The following SV2B variants were observed in gnomAD, a reference collection of about 807,000 sequenced individuals.
SV2B encodes synaptic vesicle glycoprotein 2B, also known as solute carrier family 22 member B2.
Under a neutral mutation model 73.9 loss-of-function variants are expected in SV2B, and 41 were observed. The observed-to-expected ratio is 0.56, with a 90% CI of 0.43 to 0.72. The LOEUF is 0.72. Ranked by LOEUF, SV2B falls within the 30% of genes least tolerant of loss-of-function variation. The pLI is 0.00. For missense variants in SV2B, 764 were observed against 857.8 expected (o/e 0.89, Z 1.37); for synonymous variants, 314 against 314.2 (o/e 1.00, Z 0.01).
chr15:91,155,420 C>G (rs1428311403), intron 1 of SV2B, among the ~76,000 whole-genome samples: 2 of 152,214 alleles, frequency 1.3e-5, no homozygotes, highest in African/African-American at 4.8e-5. Context: ...AGAAATACTT[C>G]TTGCTTAAAT....
intron 1 of SV2B, among the ~76,000 whole-genome samples, chr15:91,111,523 C>T (rs1310307667): frequency 6.6e-6 from 1 of 152,050 alleles, no homozygotes; most frequent in Non-Finnish European, 1.5e-5. Context: ...AGACGGGGGG[C>T]CAGGCAAAGC....
At position 91,124,094 on chromosome 15, in the gene SV2B, A is replaced by G. The variant is rs536419333; in HGVS notation, c.-392+23731A>G. Among the ~76,000 whole-genome samples the G allele has an allele frequency of 9.4e-4, 143 of 152,312 alleles. 5 individuals carry two copies. In the South Asian group the frequency reaches 0.025, roughly 27 times the overall value. On this transcript the variant is annotated intron_variant, in intron 1 of 12. Coordinates refer to ENST00000394232, the MANE Select transcript of SV2B (RefSeq NM_001323032.3). The surrounding 1 kb of genome is among the most constrained non-coding windows in gnomAD (Gnocchi z 4.6). ...TCATTATGGGAAAATCATCCTGGGTAAACACCAAGGTGGGCAAACTGTGTT... is the reference window on the plus strand; with the variant it reads ...TCATTATGGGAAAATCATCCTGGGTGAACACCAAGGTGGGCAAACTGTGTT...
At position 91,165,309 on chromosome 15, in the gene SV2B, C is replaced by T. The variant is rs150833193; in HGVS notation, c.-391-60564C>T. On this transcript the variant is annotated intron_variant, in intron 1 of 12. Coordinates refer to ENST00000394232, the MANE Select transcript of SV2B (RefSeq NM_001323032.3). ...TCGCATCATTGCACTCTAGCCTGGGCGACAAGAGCGAGACTCTGTCTCAAA... is the reference window on the plus strand; with the variant it reads ...TCGCATCATTGCACTCTAGCCTGGGTGACAAGAGCGAGACTCTGTCTCAAA... Among the ~76,000 whole-genome samples the T allele has an allele frequency of 6.5e-3, 987 of 152,040 alleles. 4 individuals are homozygous for T. Among genetic ancestry groups the T allele is most frequent in the Non-Finnish European group, 8.3e-3 (567 of 67,988 alleles).
At chr15:91,158,196 G>A (rs554873457) in intron 1 of SV2B, among the ~76,000 whole-genome samples, 12 of 152,286 alleles carry the variant, frequency 7.9e-5, no homozygotes, top group African/African-American at 2.9e-4. Flanking sequence ...AGAGGGCTCT[G>A]CCCTTGTTGG....
chr15:91,200,851 C>T (rs558291120), intron 1 of SV2B, among the ~76,000 whole-genome samples: 2 of 152,216 alleles, frequency 1.3e-5, no homozygotes, highest in South Asian at 2.1e-4. Flanking sequence ...TTCAAGACTG[C>T]AGTGAGCCAT....
chr15:91,285,962 C>T (rs1182238895), intron 11 of SV2B, among the ~76,000 whole-genome samples: 4 of 152,272 alleles, frequency 2.6e-5, no homozygotes, highest in Middle Eastern at 3.4e-3. Context: ...TTCGTATCAT[C>T]GTGAATACAT....
chr15:91,118,003 C>G lies in SV2B; in HGVS notation c.-392+17640C>G, dbSNP rs2042227015. Among the ~76,000 whole-genome samples the G allele has an allele frequency of 6.6e-6, 1 of 152,138 alleles. No individual in the cohort carries two copies. The highest frequency in any genetic ancestry group is 1.5e-5 in the Non-Finnish European group (1 of 68,020). ...TCATGACTTTCAAGAGGTATCAAAACTGGCTTTGGGACCCACAACTCTAAG... is the reference window on the plus strand; with the variant it reads ...TCATGACTTTCAAGAGGTATCAAAAGTGGCTTTGGGACCCACAACTCTAAG... On this transcript the variant is annotated intron_variant, in intron 1 of 12. Transcript: ENST00000394232. This position sits in a 1 kb window ranked among gnomAD's most constrained non-coding sequence, Gnocchi z 4.7.
chr15:91,252,627 C>T lies in SV2B; in HGVS notation c.784+107C>T, dbSNP rs1302013716. ...ATTCCATGTACTCACGCACAGTTCCCGTACGTGACCTTGATCTTTCTTAAC... is the reference window on the plus strand; with the variant it reads ...ATTCCATGTACTCACGCACAGTTCCTGTACGTGACCTTGATCTTTCTTAAC... On this transcript the variant is annotated intron_variant, in intron 4 of 12. Transcript: ENST00000394232. The surrounding 1 kb of genome is among the most constrained non-coding windows in gnomAD (Gnocchi z 4.6). The T allele has an allele frequency of 1.4e-5, 16 of 1,180,822 alleles. No individual in the cohort carries two copies. The highest frequency in any genetic ancestry group is 9.1e-5 in the East Asian group (3 of 32,954). The allele number at this position is 1,180,822 out of a possible 1,614,324, so 73.1% of individuals were successfully genotyped here.
At chr15:91,255,341 A>G (rs1306854633) in intron 4 of SV2B, among the ~76,000 whole-genome samples, 1 of 152,164 alleles carries the variant, frequency 6.6e-6, no homozygotes, top group Non-Finnish European at 1.5e-5. Flanking sequence ...CCCAGATGAG[A>G]TGATTATTCT....
intron 1 of SV2B, among the ~76,000 whole-genome samples, chr15:91,201,350 T>G (rs1287161636): frequency 2.6e-5 from 4 of 152,254 alleles, no homozygotes; most frequent in Admixed American, 2.0e-4. Flanking sequence ...TTTACTCATT[T>G]AAGCCTCATA....
rs1003742625 is a variant in SV2B at position 91,284,056 on chromosome 15, A to C, written c.1543A>C (p.Ile515Leu). 12 of 1,614,060 alleles carry C rather than the reference A, an allele frequency of 7.4e-6. No homozygotes were observed. Among genetic ancestry groups the C allele is most frequent in the Non-Finnish European group, 1.0e-5 (12 of 1,180,048 alleles). The change falls in exon 11 of 13, where the codon ATC (isoleucine) becomes CTC (leucine). Residue 515 changes from isoleucine to leucine, a missense_variant. Transcript: ENST00000394232. The surrounding 1 kb of genome is among the most constrained non-coding windows in gnomAD (Gnocchi z 4.5). ...YEHKFINCRF[I>L]NSTFLEQKEG... ...GCACAAGTTCATCAACTGTCGGTTT[A>C]TCAACTCCACCTTCCTGGAGCAGAA...
At position 91,132,533 on chromosome 15, in the gene SV2B, C is replaced by T. The variant is rs919967665; in HGVS notation, c.-392+32170C>T. On this transcript the variant is annotated intron_variant, in intron 1 of 12. Coordinates refer to ENST00000394232, the MANE Select transcript of SV2B (RefSeq NM_001323032.3). The surrounding 1 kb of genome is among the most constrained non-coding windows in gnomAD (Gnocchi z 4.6). ...GACCCTCATTCAGTCTGATTTATTG[C>T]AGACAGCCAATTTTCCATCTGCTCT... is the stretch of plus-strand genomic sequence containing the variant. Among the ~76,000 whole-genome samples the T allele has an allele frequency of 6.6e-6, 1 of 152,206 alleles. No homozygotes were observed. The highest frequency in any genetic ancestry group is 2.4e-5 in the African/African-American group (1 of 41,442).
chr15:91,263,433 CATT>C (rs1434008815), intron 6 of SV2B, among the ~76,000 whole-genome samples: 1 of 151,864 alleles, frequency 6.6e-6, no homozygotes, highest in Non-Finnish European at 1.5e-5. Flanking sequence ...CACAGACACA[CATT>C]AAGACAGACA....
intron 7 of SV2B, 111 bp downstream of exon 7, chr15:91,266,803 T>G: frequency 2.3e-6 from 2 of 863,054 alleles, no homozygotes; most frequent in South Asian, 3.9e-5. Flanking sequence ...GCCAGCGTGA[T>G]GGAGAGGAAG....
At chr15:91,269,526 A>G (rs988549291) in intron 9 of SV2B, among the ~76,000 whole-genome samples, 2 of 152,168 alleles carry the variant, frequency 1.3e-5, no homozygotes, top group African/African-American at 4.8e-5. Context: ...AACACCACGA[A>G]TTCTCACCTC....
intron 9 of SV2B, among the ~76,000 whole-genome samples, chr15:91,271,146 G>A (rs1419945076): frequency 6.6e-6 from 1 of 152,178 alleles, no homozygotes; most frequent in African/African-American, 2.4e-5. Context: ...ATGGGTGGAC[G>A]GTGAATCCTG....
chr15:91,193,367 G>A (rs910118014), intron 1 of SV2B, among the ~76,000 whole-genome samples: 1 of 152,182 alleles, frequency 6.6e-6, no homozygotes. Flanking sequence ...GTGAAGCAGT[G>A]TTAACTTTGC....
chr15:91,125,093 G>A (rs1355954412), intron 1 of SV2B, among the ~76,000 whole-genome samples: 3 of 152,162 alleles, frequency 2.0e-5, no homozygotes, highest in East Asian at 1.9e-4. Context: ...TTCCCTTGGT[G>A]CAAGCACCCT....
Position 91,284,319 on chromosome 15 carries a change from C to A in SV2B, c.1708+98C>A. ...AAATTTTCCCTTTTATTAAATAATTCTTGCACAACAAACCCAACAAGTAAG... is the reference window on the plus strand; with the variant it reads ...AAATTTTCCCTTTTATTAAATAATTATTGCACAACAAACCCAACAAGTAAG... On this transcript the variant is annotated intron_variant, in intron 11 of 12. Coordinates refer to ENST00000394232, the MANE Select transcript of SV2B (RefSeq NM_001323032.3). The surrounding 1 kb of genome is among the most constrained non-coding windows in gnomAD (Gnocchi z 4.5). 2 of 1,348,350 alleles carry A rather than the reference C, an allele frequency of 1.5e-6. No individual in the cohort carries two copies. Among genetic ancestry groups the A allele is most frequent in the East Asian group, 2.4e-5 (1 of 41,888 alleles). 83.5% of individuals were successfully genotyped at this position (1,348,350 alleles called of 1,614,324 possible).
Sources: gnomAD v4.1 joint callset for allele counts (sites outside exome capture counted in the v4.1 genomes callset) on GRCh38, gnomAD v4.1.1 for gene constraint, Gnocchi (gnomAD v3.1) non-coding constraint, MANE v1.5 for transcripts, NCBI Gene and HGNC (gene_info 2026-07-23, HGNC 2026-07-21) for gene names.